Variants in TBC1D8 observed in about 807,000 individuals in gnomAD.
The protein encoded by TBC1D8 is TBC1 domain family member 8.
A neutral mutation model predicts 118.8 loss-of-function variants in TBC1D8; 65 were observed. The ratio of observed to expected loss-of-function variants is 0.55; its 90% confidence interval spans 0.45 to 0.67. The LOEUF (loss-of-function observed/expected upper bound fraction) is 0.67, where lower values mean the gene tolerates loss of function less well. TBC1D8 is among the 30% of genes least tolerant of loss of function. The pLI is 0.00. For synonymous variants in TBC1D8, 566 were observed against 595.8 expected (o/e 0.95, Z 0.73); for missense variants, 1,376 against 1,471.2 (o/e 0.94, Z 1.06).
intron 17 of TBC1D8, chr2:101,019,258 G>A: frequency 9.0e-6 from 4 of 444,808 alleles, no homozygotes; most frequent in South Asian, 1.2e-4. Context: ...CTTAAGTGAA[G>A]AGAATTCTTT....
chr2:101,143,743 G>A (rs1040389419), intron 1 of TBC1D8, among the ~76,000 whole-genome samples: 2 of 152,098 alleles, frequency 1.3e-5, no homozygotes, highest in African/African-American at 4.8e-5. Context: ...GTATTTTTTT[G>A]TAGAGTCAGG....
chr2:101,133,659 G>C (rs150973624), intron 1 of TBC1D8, among the ~76,000 whole-genome samples: 181 of 152,182 alleles, frequency 1.2e-3, no homozygotes, highest in African/African-American at 4.0e-3. Context: ...ATCACAATCA[G>C]GAAGGCTCCA....
chr2:101,131,952 G>T (rs1009944115), intron 1 of TBC1D8, among the ~76,000 whole-genome samples: 1 of 152,100 alleles, frequency 6.6e-6, no homozygotes, highest in Non-Finnish European at 1.5e-5. Context: ...ATTGTTATAG[G>T]TATATTTTAC....
At chr2:101,020,157 TATACC>T (rs11278036) in intron 17 of TBC1D8, among the ~76,000 whole-genome samples, 30,094 of 151,450 alleles carry the variant, frequency 0.2, 3,428 homozygotes, top group East Asian at 0.4. Flanking sequence ...AATTTAAAAA[TATACC>T]ATGGTGAAAT....
intron 2 of TBC1D8, among the ~76,000 whole-genome samples, chr2:101,078,720 A>T (rs541317623): frequency 6.6e-6 from 1 of 150,496 alleles, no homozygotes; most frequent in East Asian, 1.9e-4. Context: ...ATAACAAAAA[A>T]AAAAAAGGAA....
intron 1 of TBC1D8, among the ~76,000 whole-genome samples, chr2:101,128,845 T>G (rs1230835225): frequency 6.6e-6 from 1 of 152,076 alleles, no homozygotes; most frequent in East Asian, 1.9e-4. Context: ...ACAAATACCG[T>G]GTGATTCTAA....
At chr2:101,047,864 T>C (rs1681808512) in intron 5 of TBC1D8, among the ~76,000 whole-genome samples, 1 of 152,224 alleles carries the variant, frequency 6.6e-6, no homozygotes, top group Non-Finnish European at 1.5e-5. Context: ...ACTGATGGCT[T>C]TTCTCCAAAA....
chr2:101,012,300 A>G (rs1032700370), intron 17 of TBC1D8, among the ~76,000 whole-genome samples: 5 of 152,226 alleles, frequency 3.3e-5, no homozygotes, highest in Non-Finnish European at 7.3e-5. Context: ...AAAACACCCA[A>G]ATGTTGAATA....
At chr2:101,064,980 C>T (rs1238562056) in intron 2 of TBC1D8, among the ~76,000 whole-genome samples, 2 of 152,170 alleles carry the variant, frequency 1.3e-5, no homozygotes, top group Non-Finnish European at 2.9e-5. Flanking sequence ...CCCATGACAT[C>T]GTCATGGATG....
Position 101,050,673 on chromosome 2 carries a change from G to A in TBC1D8, c.632-32C>T, listed in dbSNP as rs760764558. 24 of 1,599,220 alleles carry A rather than the reference G, an allele frequency of 1.5e-5. No homozygotes were observed. The Admixed American group carries it at 3.9e-4, about 26-fold the overall frequency. On this transcript the variant is annotated intron_variant, in intron 4 of 19. Transcript: ENST00000409318. The stretch of plus-strand genomic sequence containing the variant: ...GAGAAAAGGGTGAAATACCTATTAT[G>A]CCATGAAATTTGAGCCAAACTTGAG...
intron 17 of TBC1D8, among the ~76,000 whole-genome samples, chr2:101,012,425 G>C (rs1315475666): frequency 1.3e-5 from 2 of 152,226 alleles, no homozygotes; most frequent in African/African-American, 4.8e-5. Flanking sequence ...CATCATGCTA[G>C]GTGAGAGAAG....
intron 2 of TBC1D8, among the ~76,000 whole-genome samples, chr2:101,089,688 C>T (rs1016232455): frequency 2.0e-5 from 3 of 151,998 alleles, no homozygotes; most frequent in Non-Finnish European, 4.4e-5. Flanking sequence ...CAGAATCTGC[C>T]CACATGATCA....
chr2:101,031,860 T>C (rs1029115114), intron 11 of TBC1D8, among the ~76,000 whole-genome samples: 14 of 152,114 alleles, frequency 9.2e-5, no homozygotes, highest in African/African-American at 3.4e-4. Context: ...ACAAGCTCCC[T>C]GAGCTACCGA....
chr2:101,070,704 C>T (rs1287710388), intron 2 of TBC1D8, among the ~76,000 whole-genome samples: 6 of 152,110 alleles, frequency 3.9e-5, no homozygotes, highest in Non-Finnish European at 8.8e-5. Context: ...TGAGCCATCG[C>T]GCCCAGCCAA....
intron 17 of TBC1D8, among the ~76,000 whole-genome samples, chr2:101,011,845 T>G (rs1679240042): frequency 1.3e-5 from 2 of 152,264 alleles, no homozygotes; most frequent in South Asian, 4.1e-4. Flanking sequence ...TGTAGTGAAA[T>G]CCCATTTTGT....
chr2:101,008,371 A>AT, intron 19 of TBC1D8, 98 bp from the exon 20 acceptor site: 1 of 937,218 alleles, frequency 1.1e-6, no homozygotes, highest in Non-Finnish European at 1.5e-6. Flanking sequence ...ACGACACAGT[A>AT]TTTTTGAAGA....
rs1430153779 is a variant in TBC1D8, at chr2:101,151,364, G to T, written c.-111C>A. ...CGGCGGCGCGCGGGGACCACAGCCCGGCCGGTGCCCAGCGCTCTGAGAGCC... is the reference window on the plus strand; with the variant it reads ...CGGCGGCGCGCGGGGACCACAGCCCTGCCGGTGCCCAGCGCTCTGAGAGCC... On this transcript the variant is annotated 5_prime_UTR_variant, in exon 1 of 20. Coordinates refer to ENST00000409318, the MANE Select transcript of TBC1D8 (RefSeq NM_001330348.2). 2.0e-6 allele frequency: 2 copies of T among 1,019,666 alleles called. No individual in the cohort carries two copies. The highest frequency in any genetic ancestry group is 5.6e-5 in the Admixed American group (1 of 17,942). The allele number at this position is 1,019,666 out of a possible 1,614,324, so 63.2% of individuals were successfully genotyped here.
chr2:101,021,555 G>T, intron 17 of TBC1D8, 126 bp downstream of exon 17: 3 of 674,070 alleles, frequency 4.5e-6, no homozygotes, highest in Non-Finnish European at 7.4e-6. Flanking sequence ...GAAACCCCAA[G>T]CCAGAAACAC....
chr2:101,151,223 T>C lies in TBC1D8; in HGVS notation c.31A>G (p.Lys11Glu). Reference sequence around the variant, plus strand: ...GTCACCCAGAGCTTCAGCGCGTTCTTCAGCAGCACCTCCTCGGGCTTGAGC... The same window carrying C: ...GTCACCCAGAGCTTCAGCGCGTTCTCCAGCAGCACCTCCTCGGGCTTGAGC... MWLKPEEVLL[K>E]NALKLWVTQK... Residue 11 changes from lysine (K) to glutamate (E), a missense_variant, in exon 1 of 20, where the codon AAG (lysine) becomes GAG (glutamate). Physicochemically the swap from Lys to Glu is moderately conservative, Grantham distance 56. Coordinates refer to ENST00000409318, the MANE Select transcript of TBC1D8 (RefSeq NM_001330348.2). 1 of 1,245,746 alleles carries C rather than the reference T, an allele frequency of 8.0e-7. No homozygotes were observed. Among genetic ancestry groups the C allele is most frequent in the South Asian group, 2.1e-5 (1 of 48,714 alleles). The allele number at this position is 1,245,746 out of a possible 1,614,324, so 77.2% of individuals were successfully genotyped here.
Sources: gnomAD v4.1 joint callset for allele counts (sites outside exome capture counted in the v4.1 genomes callset) on GRCh38, gnomAD v4.1.1 for gene constraint, MANE v1.5 for transcripts, NCBI Gene and HGNC (gene_info 2026-07-23, HGNC 2026-07-21) for gene names.